The following KIF3C variants were observed in gnomAD, a reference collection of about 807,000 sequenced individuals.
KIF3C encodes kinesin family member 3C.
In KIF3C, 12 loss-of-function variants were observed where a neutral mutation model predicts 67.7. The observed-to-expected ratio is 0.18, with a 90% CI of 0.11 to 0.29. The LOEUF is 0.29. KIF3C is among the 10% of genes least tolerant of loss of function. The pLI, the probability that KIF3C is intolerant of heterozygous loss-of-function variation, is 1.00. For synonymous variants in KIF3C, 393 were observed against 426.2 expected, an observed-to-expected ratio of 0.92 and a Z score of 0.96; for missense variants, 789 against 1,059.6, an observed-to-expected ratio of 0.74 and a Z score of 3.55.
At chr2:25,965,065 C>T (rs998818435) in intron 1 of KIF3C, among the ~76,000 whole-genome samples, 16 of 152,346 alleles carry the variant, frequency 1.1e-4, no homozygotes, top group African/African-American at 2.9e-4. Flanking sequence ...TCACTCCACC[C>T]GTCTGTCCAA....
At chr2:25,967,326 G>A (rs1386838455) in intron 1 of KIF3C, among the ~76,000 whole-genome samples, 1 of 152,130 alleles carries the variant, frequency 6.6e-6, no homozygotes, top group East Asian at 1.9e-4. Flanking sequence ...TGTGGGAAGG[G>A]CCCCTGCACA....
chr2:25,970,692 A>G (rs1574496051), intron 1 of KIF3C, among the ~76,000 whole-genome samples: 1 of 141,756 alleles, frequency 7.1e-6, no homozygotes, highest in East Asian at 1.9e-4. Flanking sequence ...AAAAAAAAAA[A>G]GAACACATCA....
intron 1 of KIF3C, among the ~76,000 whole-genome samples, chr2:25,962,969 TATATAATATATA>T (rs1559555405): frequency 0.019 from 867 of 45,740 alleles, 23 homozygotes; most frequent in South Asian, 0.043. Flanking sequence ...ATATATATAA[TATATAATATATA>T]ATATATAATA....
At chr2:25,967,406 T>C (rs1175327478) in intron 1 of KIF3C, among the ~76,000 whole-genome samples, 1 of 152,204 alleles carries the variant, frequency 6.6e-6, no homozygotes, top group Non-Finnish European at 1.5e-5. Flanking sequence ...GGCTACACAC[T>C]CTGCCACTCT....
Position 25,958,256 on chromosome 2 carries a change from T to C in KIF3C, c.1546-1812A>G, listed in dbSNP as rs1405667839. ...GCCTCAGTGTCCCCTTCCACCCCTC[T>C]GCCACATGACACCCAGGCAGATCCA... is the stretch of plus-strand genomic sequence containing the variant. On this transcript the variant is annotated intron_variant, in intron 1 of 7. Transcript: ENST00000264712. The surrounding 1 kb of genome is among the most constrained non-coding windows in gnomAD (Gnocchi z 4.5). 6.6e-6 allele frequency among the ~76,000 whole-genome samples: 1 copy of C among 152,106 alleles called. No individual in the cohort carries two copies. Among genetic ancestry groups the C allele is most frequent in the Non-Finnish European group, 1.5e-5 (1 of 68,038 alleles).
At chr2:25,929,600 T>C (rs1220217574) in intron 6 of KIF3C, 123 bp from the exon 7 acceptor site, 5 of 730,662 alleles carry the variant, frequency 6.8e-6, no homozygotes, top group Non-Finnish European at 1.1e-5. Flanking sequence ...GCTGTGAGCA[T>C]CCCCTCCCAT....
Position 25,980,275 on chromosome 2 carries a change from T to C in KIF3C, c.1545+98A>G. On this transcript the variant is annotated intron_variant, in intron 1 of 7. Coordinates refer to ENST00000264712, the MANE Select transcript of KIF3C (RefSeq NM_002254.8). The surrounding 1 kb of genome is among the most constrained non-coding windows in gnomAD (Gnocchi z 7.6). The stretch of plus-strand genomic sequence containing the variant: ...CAGTGTGCGGTGCTGAGGGAGAACC[T>C]CCACTTCAGGCCAGGTCACAGACTC... The C allele has an allele frequency of 1.0e-6, 1 of 1,002,556 alleles. No homozygotes were observed. Among genetic ancestry groups the C allele is most frequent in the Admixed American group, 2.7e-5 (1 of 37,644 alleles). The allele number at this position is 1,002,556 out of a possible 1,614,324, so 62.1% of individuals were successfully genotyped here. A position where few individuals can be genotyped will look rare whatever the true frequency, so the allele number is the denominator to read the frequency against.
At position 25,958,242 on chromosome 2, in the gene KIF3C, C is replaced by T. The variant is rs1223276833; in HGVS notation, c.1546-1798G>A. ...GTGGTCTCCCCACTGCCTCAGTGTC[C>T]CCTTCCACCCCTCTGCCACATGACA... On this transcript the variant is annotated intron_variant, in intron 1 of 7. Transcript: ENST00000264712. The surrounding 1 kb of genome is among the most constrained non-coding windows in gnomAD (Gnocchi z 4.5). 6.6e-6 allele frequency among the ~76,000 whole-genome samples: 1 copy of T among 152,142 alleles called. No individual in the cohort carries two copies. The highest frequency in any genetic ancestry group is 1.5e-5 in the Non-Finnish European group (1 of 68,036).
chr2:25,943,980 T>C (rs1277308495), intron 5 of KIF3C, among the ~76,000 whole-genome samples: 1 of 152,000 alleles, frequency 6.6e-6, no homozygotes, highest in Non-Finnish European at 1.5e-5. Flanking sequence ...CATAGCAAAG[T>C]GGACAGTGAC....
intron 1 of KIF3C, among the ~76,000 whole-genome samples, chr2:25,978,281 T>A (rs1331004078): frequency 7.2e-5 from 11 of 152,098 alleles, no homozygotes. Flanking sequence ...AACTGTTGAA[T>A]GGAAATAATA....
At position 25,975,007 on chromosome 2, in the gene KIF3C, C is replaced by G. The variant is rs561212518; in HGVS notation, c.1545+5366G>C. 6.6e-5 allele frequency among the ~76,000 whole-genome samples: 9 copies of G among 137,058 alleles called. No homozygotes were observed. The East Asian group carries it at 1.6e-3, about 24-fold the overall frequency. The allele number at this position is 137,058 out of a possible 152,430, so 89.9% of individuals were successfully genotyped here. Reference sequence around the variant, plus strand: ...CACCATTCCACTCCAGCCTGGGCAACAAAAGTGAAACTCCATCTCAAAAAA... The same window carrying G: ...CACCATTCCACTCCAGCCTGGGCAAGAAAAGTGAAACTCCATCTCAAAAAA... On this transcript the variant is annotated intron_variant, in intron 1 of 7. Coordinates refer to ENST00000264712, the MANE Select transcript of KIF3C (RefSeq NM_002254.8).
chr2:25,941,306 A>G (rs1444351306), intron 5 of KIF3C, among the ~76,000 whole-genome samples: 6 of 151,370 alleles, frequency 4.0e-5, no homozygotes, highest in Admixed American at 2.6e-4. Flanking sequence ...CCTGTCTCAA[A>G]AAAAGAAAGA....
rs527698649 is a variant in KIF3C, at chr2:25,980,961, G to T, written c.957C>A (p.Asp319Glu). ...CCTGGAGCAGCCGGGTCAGCTTGGA[G>T]TCCCGGTAGGGAATGTGGGTGCTCC... Reference protein sequence around the residue: ...GNRSTHIPYRDSKLTRLLQDS... With the variant: ...GNRSTHIPYRESKLTRLLQDS... Residue 319 changes from aspartate (D) to glutamate (E), a missense_variant, in exon 1 of 8, where the codon GAC (aspartate) becomes GAA (glutamate). Asp to Glu is a conservative substitution (Grantham distance 45, BLOSUM62 2). Transcript: ENST00000264712. The surrounding 1 kb of genome is among the most constrained non-coding windows in gnomAD (Gnocchi z 7.6). The T allele has an allele frequency of 6.2e-7, 1 of 1,614,210 alleles. No homozygotes were observed. The highest frequency in any genetic ancestry group is 1.3e-5 in the African/African-American group (1 of 75,060).
intron 5 of KIF3C, among the ~76,000 whole-genome samples, chr2:25,930,773 AG>A (rs766399965): frequency 1.3e-5 from 2 of 152,150 alleles, no homozygotes; most frequent in African/African-American, 2.4e-5. Flanking sequence ...TCCCGACCTC[AG>A]GTGATCCACC....
chr2:25,956,166 C>T (rs963271133), intron 2 of KIF3C, among the ~76,000 whole-genome samples, 177 bp downstream of exon 2: 3 of 152,262 alleles, frequency 2.0e-5, no homozygotes, highest in Admixed American at 2.0e-4. Flanking sequence ...TAGCAGTGCC[C>T]CTGCCAAAGG....
chr2:25,935,460 G>A (rs1356425509), intron 5 of KIF3C, among the ~76,000 whole-genome samples: 1 of 151,786 alleles, frequency 6.6e-6, no homozygotes, highest in African/African-American at 2.4e-5. Context: ...TCAAATTCCT[G>A]GGCTCAAATA....
At chr2:25,968,333 A>G (rs1195092126) in intron 1 of KIF3C, among the ~76,000 whole-genome samples, 1 of 152,196 alleles carries the variant, frequency 6.6e-6, no homozygotes, top group African/African-American at 2.4e-5. Flanking sequence ...AGATCAGGAA[A>G]CTATTGGCCA....
intron 5 of KIF3C, among the ~76,000 whole-genome samples, chr2:25,944,382 T>C (rs1344461382): frequency 6.6e-6 from 1 of 150,994 alleles, no homozygotes; most frequent in Non-Finnish European, 1.5e-5. Context: ...GGTCTCACTC[T>C]GTTGACCAGG....
chr2:25,976,289 T>C (rs1664413254), intron 1 of KIF3C, among the ~76,000 whole-genome samples: 1 of 152,202 alleles, frequency 6.6e-6, no homozygotes, highest in Admixed American at 6.5e-5. Flanking sequence ...GAGAGTGGGC[T>C]CCAGCCAAGA....
Sources: allele counts gnomAD v4.1 joint callset (sites outside exome capture counted in the v4.1 genomes callset), GRCh38; gene constraint gnomAD v4.1.1; non-coding constraint Gnocchi (gnomAD v3.1); transcripts MANE v1.5; gene names NCBI Gene and HGNC (gene_info 2026-07-23, HGNC 2026-07-21).